Variants in MBNL2 observed in about 807,000 individuals in gnomAD.
MBNL2 encodes muscleblind like splicing regulator 2.
In MBNL2, 17 loss-of-function variants were observed where a neutral mutation model predicts 41.9. That is an observed-to-expected ratio of 0.41 (90% CI 0.28 to 0.61). MBNL2 has a LOEUF of 0.61. MBNL2 is among the 20% of genes least tolerant of loss of function. MBNL2 has a pLI of 0.35. For missense variants in MBNL2, 336 were observed against 505.6 expected (o/e 0.66, Z 3.22); for synonymous variants, 195 against 182.9 (o/e 1.07, Z -0.53).
chr13:97,244,292 G>A (rs1229798138), intron 1 of MBNL2, among the ~76,000 whole-genome samples: 1 of 152,100 alleles, frequency 6.6e-6, no homozygotes, highest in Non-Finnish European at 1.5e-5. Flanking sequence ...TTTCAAACAC[G>A]ATGACTTTTG....
the MBNL2 span, among the ~76,000 whole-genome samples, chr13:97,176,297 C>T: frequency 1.3e-5 from 2 of 152,124 alleles, no homozygotes; most frequent in African/African-American, 4.8e-5. Flanking sequence ...GAATATAAAG[C>T]TGCAGAATAC....
rs770373309 is a variant in MBNL2 at position 97,347,037 on chromosome 13, C to T, written c.774C>T (p.Ala258=). The T allele has an allele frequency of 1.1e-5, 18 of 1,610,198 alleles. No homozygotes were observed. The highest frequency in any genetic ancestry group is 5.3e-5 in the African/African-American group (4 of 74,784). Residue 258 remains alanine, a synonymous_variant, in exon 5 of 9, where the codon GCC becomes GCT. Coordinates refer to ENST00000679496, the MANE Select transcript of MBNL2 (RefSeq NM_001382683.1). ...QHQANQAAVA[A]QAAAAAATVM... ...AAGCCAACCAAGCTGCGGTGGCCGC[C>T]CAGGCAGCCGCGGCCGCGGCCACAG... is the stretch of plus-strand genomic sequence containing the variant.
chr13:97,365,460 A>G (rs1441725225), intron 8 of MBNL2, among the ~76,000 whole-genome samples: 2 of 152,200 alleles, frequency 1.3e-5, no homozygotes, highest in Non-Finnish European at 2.9e-5. Context: ...TTTATATGGT[A>G]TAGCGTAAGG....
At chr13:97,292,667 C>T (rs1413333899) in intron 2 of MBNL2, among the ~76,000 whole-genome samples, 2 of 151,616 alleles carry the variant, frequency 1.3e-5, no homozygotes, top group African/African-American at 4.8e-5. Context: ...AAAGTGTTGT[C>T]GATATCCAAA....
intron 8 of MBNL2, among the ~76,000 whole-genome samples, chr13:97,389,992 AAAT>A (rs2066272211): frequency 6.6e-6 from 1 of 152,138 alleles, no homozygotes; most frequent in African/African-American, 2.4e-5. Flanking sequence ...TTTACATATA[AAAT>A]AATATCTTAT....
chr13:97,289,132 T>C (rs561843881), intron 2 of MBNL2, among the ~76,000 whole-genome samples: 4 of 152,336 alleles, frequency 2.6e-5, no homozygotes, highest in Non-Finnish European at 5.9e-5. Flanking sequence ...TCTTAAAAAA[T>C]ACATAATGCG....
chr13:97,253,884 T>C (rs547268596), intron 1 of MBNL2, among the ~76,000 whole-genome samples: 1 of 152,176 alleles, frequency 6.6e-6, no homozygotes, highest in South Asian at 2.1e-4. Flanking sequence ...TTTTTAGGAA[T>C]TTTCAATACA....
chr13:97,220,925 C>G (rs1374997581), upstream of MBNL2, among the ~76,000 whole-genome samples: 1 of 152,058 alleles, frequency 6.6e-6, no homozygotes, highest in East Asian at 1.9e-4. Context: ...GACCACAGAA[C>G]TAATTTAAAT....
chr13:97,235,358 C>T (rs1226268471), intron 1 of MBNL2, among the ~76,000 whole-genome samples: 2 of 152,116 alleles, frequency 1.3e-5, no homozygotes, highest in African/African-American at 4.8e-5. Context: ...TTTCCCCACT[C>T]GGTGAAATTT....
chr13:97,205,096 G>A, the MBNL2 span, among the ~76,000 whole-genome samples: 4 of 150,710 alleles, frequency 2.7e-5, no homozygotes, highest in South Asian at 2.1e-4. Flanking sequence ...ACTTGAACCC[G>A]GGAGGTGGAG....
At chr13:97,362,130 ATTTCAGATTTTGGATTTTTT>A (rs1207825201) in intron 7 of MBNL2, among the ~76,000 whole-genome samples, 1 of 150,114 alleles carries the variant, frequency 6.7e-6, no homozygotes, top group African/African-American at 2.4e-5. Context: ...GACCAGAAAT[ATTTCAGATTTTGGATTTTTT>A]TTTCAGATTT....
chr13:97,239,896 C>T lies in MBNL2; in HGVS notation c.-605+17365C>T, dbSNP rs1191478657. On this transcript the variant is annotated intron_variant, in intron 1 of 8. Transcript: ENST00000679496. ...AGACAAGCACATCTACAGACAAACC[C>T]AGAATAAGATTTGTAGCCACTGGTA... Among the ~76,000 whole-genome samples the T allele has an allele frequency of 4.6e-5, 7 of 152,310 alleles. No homozygotes were observed. In the South Asian group the frequency reaches 1.4e-3, roughly 32 times the overall value.
At chr13:97,293,971 T>G (rs1022812809) in intron 2 of MBNL2, among the ~76,000 whole-genome samples, 20 of 151,982 alleles carry the variant, frequency 1.3e-4, no homozygotes, top group Admixed American at 1.3e-3. Flanking sequence ...TTCCCCCGAG[T>G]CCCCAATTTT....
At chr13:97,192,895 C>T in the MBNL2 span, among the ~76,000 whole-genome samples, 1 of 152,198 alleles carries the variant, frequency 6.6e-6, no homozygotes, top group Admixed American at 6.5e-5. Context: ...TGAAACAAAC[C>T]CAGGAAGCCA....
At chr13:97,231,795 A>T (rs571288212) in intron 1 of MBNL2, among the ~76,000 whole-genome samples, 149 of 151,414 alleles carry the variant, frequency 9.8e-4, no homozygotes, top group African/African-American at 3.4e-3. Context: ...TGTCTGCTCC[A>T]GAGTTGTTTT....
upstream of MBNL2, among the ~76,000 whole-genome samples, chr13:97,216,902 T>C (rs1355852368): frequency 1.3e-5 from 2 of 150,670 alleles, no homozygotes; most frequent in East Asian, 3.9e-4. Context: ...TATTTACACA[T>C]ACATAGAGTA....
the MBNL2 span, among the ~76,000 whole-genome samples, chr13:97,144,576 T>G: frequency 6.6e-6 from 1 of 151,862 alleles, no homozygotes; most frequent in East Asian, 1.9e-4. Flanking sequence ...ATTACAGGCA[T>G]GTGCCACCAC....
Position 97,393,367 on chromosome 13 carries a change from GATTA to G in MBNL2, c.*1922_*1925del, listed in dbSNP as rs1206501357. 1 of 152,080 alleles carries G rather than the reference GATTA, an allele frequency of 6.6e-6. No homozygotes were observed. The highest frequency in any genetic ancestry group is 1.5e-5 in the Non-Finnish European group (1 of 67,858). 9.4% of individuals were successfully genotyped at this position (152,080 alleles called of 1,614,324 possible). ...TGGGAATCACTGAAATATTTTTGTAGATTAATTGTTGTAACATTGTCTTTCTTTT... is the reference window on the plus strand; with the variant it reads ...TGGGAATCACTGAAATATTTTTGTAGATTGTTGTAACATTGTCTTTCTTTT... On this transcript the variant is annotated 3_prime_UTR_variant, in exon 9 of 9. Transcript: ENST00000679496.
chr13:97,163,104 T>C, the MBNL2 span, among the ~76,000 whole-genome samples: 3 of 152,152 alleles, frequency 2.0e-5, no homozygotes, highest in Admixed American at 1.3e-4. Flanking sequence ...TGCTGTGTGC[T>C]TAAAGGTTTG....
Sources: gnomAD v4.1 joint callset for allele counts (sites outside exome capture counted in the v4.1 genomes callset) on GRCh38, gnomAD v4.1.1 for gene constraint, MANE v1.5 for transcripts, NCBI Gene and HGNC (gene_info 2026-07-23, HGNC 2026-07-21) for gene names.